Variants in KPNA1 observed in about 807,000 individuals in gnomAD.
KPNA1 encodes importin subunit alpha-5.
Under a neutral mutation model 70.5 loss-of-function variants are expected in KPNA1, and 10 were observed. The ratio of observed to expected loss-of-function variants is 0.14; its 90% CI spans 0.09 to 0.24. The LOEUF is 0.24. KPNA1 is among the 10% of genes least tolerant of loss of function. The pLI is 1.00. For synonymous variants in KPNA1, 192 were observed against 221.9 expected (o/e 0.87, Z 1.20); for missense variants, 397 against 637.9 (o/e 0.62, Z 4.07).
intron 12 of KPNA1, chr3:122,432,560 T>G (rs999403203): frequency 6.6e-6 from 1 of 152,214 alleles, no homozygotes; most frequent in Non-Finnish European, 1.5e-5. Context: ...TACGTATGAG[T>G]AAGGAGTTAA....
intron 11 of KPNA1, among the ~76,000 whole-genome samples, chr3:122,434,621 T>C (rs2075960664): frequency 6.6e-6 from 1 of 152,194 alleles, no homozygotes; most frequent in South Asian, 2.1e-4. Context: ...AGTCCATCTT[T>C]TTCCTTTCCT....
chr3:122,442,191 A>G, intron 9 of KPNA1, 75 bp from the exon 10 acceptor site: 1 of 1,155,970 alleles, frequency 8.7e-7, no homozygotes, highest in South Asian at 1.3e-5. Flanking sequence ...CCAAAATTAA[A>G]AAACAAAAAA....
chr3:122,495,060 G>T (rs926953057), intron 2 of KPNA1, among the ~76,000 whole-genome samples: 1 of 151,962 alleles, frequency 6.6e-6, no homozygotes, highest in Non-Finnish European at 1.5e-5. Flanking sequence ...GACCATCCTG[G>T]CCAAGATGGT....
rs190775333 is a variant in KPNA1, at chr3:122,429,682, T to A, written c.1251-1966A>T. ...TACTCCCAAACAAAATCCCAGCATG[T>A]TAATAGATACCAACAAACTGATTCT... On this transcript the variant is annotated intron_variant, in intron 12 of 13. Coordinates refer to ENST00000344337, the MANE Select transcript of KPNA1 (RefSeq NM_002264.4). Among the ~76,000 whole-genome samples, 300 of 152,232 alleles carry A rather than the reference T, an allele frequency of 2.0e-3. 1 individual carries two copies. The highest frequency in any genetic ancestry group is 7.0e-3 in the African/African-American group (289 of 41,540).
intron 5 of KPNA1, chr3:122,457,684 TA>T: frequency 7.9e-7 from 1 of 1,268,660 alleles, no homozygotes; most frequent in Non-Finnish European, 1.0e-6. Flanking sequence ...CTCAGTTCCT[TA>T]AATAAGGAAA....
chr3:122,506,144 A>AC (rs2107508558), intron 1 of KPNA1, among the ~76,000 whole-genome samples: 1 of 152,272 alleles, frequency 6.6e-6, no homozygotes, highest in South Asian at 2.1e-4. Context: ...TATTCAGTGC[A>AC]CTGGGTCAGC....
chr3:122,477,237 G>A (rs951834505), intron 2 of KPNA1, among the ~76,000 whole-genome samples: 3 of 152,202 alleles, frequency 2.0e-5, no homozygotes, highest in African/African-American at 4.8e-5. Flanking sequence ...CACAGAAGTA[G>A]AGAGTATAAT....
At chr3:122,472,388 A>T (rs1025787552) in intron 2 of KPNA1, among the ~76,000 whole-genome samples, 2 of 152,216 alleles carry the variant, frequency 1.3e-5, no homozygotes, top group Non-Finnish European at 2.9e-5. Context: ...ATTTTGAGCT[A>T]AATGAAAATG....
intron 2 of KPNA1, among the ~76,000 whole-genome samples, chr3:122,471,271 C>T (rs913627142): frequency 4.6e-5 from 7 of 152,132 alleles, no homozygotes; most frequent in African/African-American, 1.4e-4. Context: ...TATTTAGTCC[C>T]GCAATTCCTT....
At chr3:122,467,148 G>A (rs2076390022) in intron 3 of KPNA1, among the ~76,000 whole-genome samples, 174 bp downstream of exon 3, 1 of 151,912 alleles carries the variant, frequency 6.6e-6, no homozygotes, top group East Asian at 1.9e-4. Flanking sequence ...TAATTTAACT[G>A]CACTTTATCC....
intron 8 of KPNA1, among the ~76,000 whole-genome samples, chr3:122,450,702 T>C (rs1485888612): frequency 6.6e-6 from 1 of 152,206 alleles, no homozygotes; most frequent in East Asian, 1.9e-4. Context: ...TGGAGATTCC[T>C]TAAAGAACTA....
At chr3:122,505,225 C>G (rs550399365) in intron 1 of KPNA1, among the ~76,000 whole-genome samples, 1 of 149,182 alleles carries the variant, frequency 6.7e-6, no homozygotes, top group Admixed American at 6.7e-5. Flanking sequence ...ATGGCTTGAA[C>G]CCGGGAGGCA....
intron 1 of KPNA1, among the ~76,000 whole-genome samples, chr3:122,506,063 TCTCCACCA>T (rs1468631234): frequency 6.6e-6 from 1 of 152,200 alleles, no homozygotes; most frequent in East Asian, 1.9e-4. Context: ...TCAATACCAT[TCTCCACCA>T]CTCTAAACCC....
intron 2 of KPNA1, among the ~76,000 whole-genome samples, chr3:122,477,621 C>T (rs889716142): frequency 1.3e-5 from 2 of 151,924 alleles, no homozygotes; most frequent in African/African-American, 4.8e-5. Context: ...CTCCAGGCTA[C>T]GGTGACCCAC....
chr3:122,498,703 G>A (rs947684976), intron 1 of KPNA1, among the ~76,000 whole-genome samples: 1 of 151,942 alleles, frequency 6.6e-6, no homozygotes, highest in Admixed American at 6.6e-5. Context: ...TTACTTTTTT[G>A]GTTCTTTTTT....
chr3:122,465,644 G>A (rs2076371600), intron 3 of KPNA1, among the ~76,000 whole-genome samples: 1 of 152,246 alleles, frequency 6.6e-6, no homozygotes, highest in Non-Finnish European at 1.5e-5. Context: ...GCTCACGCCT[G>A]TAATCCCAAC....
At chr3:122,448,692 T>C (rs1414415224) in intron 9 of KPNA1, among the ~76,000 whole-genome samples, 6 of 151,874 alleles carry the variant, frequency 4.0e-5, no homozygotes, top group African/African-American at 1.5e-4. Flanking sequence ...TGTATACCTA[T>C]GTAACAAACC....
chr3:122,428,574 GGAT>G (rs2075854742), intron 12 of KPNA1, among the ~76,000 whole-genome samples: 1 of 152,082 alleles, frequency 6.6e-6, no homozygotes, highest in African/African-American at 2.4e-5. Flanking sequence ...GATATTAAAA[GGAT>G]AATAAAGGAA....
intron 9 of KPNA1, among the ~76,000 whole-genome samples, chr3:122,448,256 C>T (rs936576890): frequency 1.3e-5 from 2 of 152,116 alleles, no homozygotes; most frequent in African/African-American, 4.8e-5. Flanking sequence ...TGGGTATATA[C>T]CCAGAGGATT....
Sources: gnomAD v4.1 joint callset for allele counts (sites outside exome capture counted in the v4.1 genomes callset) on GRCh38, gnomAD v4.1.1 for gene constraint, MANE v1.5 for transcripts, NCBI Gene and HGNC (gene_info 2026-07-23, HGNC 2026-07-21) for gene names.